Variants in RIMS2 observed in about 807,000 individuals in gnomAD.
RIMS2 encodes the protein regulating synaptic membrane exocytosis 2.
A neutral mutation model predicts 174.4 loss-of-function variants in RIMS2; 59 were observed. The observed-to-expected ratio is 0.34, with a 90% confidence interval of 0.27 to 0.42. The LOEUF is 0.42. RIMS2 is among the 10% of genes least tolerant of loss of function. RIMS2 has a pLI of 1.00. For synonymous variants in RIMS2, 606 were observed against 572.5 expected (o/e 1.06, Z -0.84); for missense variants, 1,620 against 1,666.3 (o/e 0.97, Z 0.48).
intron 4 of RIMS2, among the ~76,000 whole-genome samples, chr8:103,908,941 G>T (rs964248635): frequency 6.6e-6 from 1 of 152,116 alleles, no homozygotes; most frequent in Admixed American, 6.6e-5. Flanking sequence ...TGCCTTACCA[G>T]TTTCATTTAA....
intron 19 of RIMS2, among the ~76,000 whole-genome samples, chr8:104,020,380 A>G (rs2096057555): frequency 6.6e-6 from 1 of 151,982 alleles, no homozygotes; most frequent in Non-Finnish European, 1.5e-5. Context: ...GATATTAGAC[A>G]CTCCATACTG....
At chr8:103,587,452 GAAAGAAAGAAAGA>G (rs2094005246) in intron 1 of RIMS2, among the ~76,000 whole-genome samples, 1 of 122,288 alleles carries the variant, frequency 8.2e-6, no homozygotes, top group Non-Finnish European at 1.8e-5. Context: ...AAGAAAGAAA[GAAAGAAAGAAAGA>G]AAGAAACTAT....
At chr8:104,148,819 G>T in intron 19 of RIMS2, 2 of 1,598,414 alleles carry the variant, frequency 1.3e-6, no homozygotes, top group Non-Finnish European at 1.7e-6. Context: ...TCACGGAAAA[G>T]TCGCAGTGCT....
intron 19 of RIMS2, among the ~76,000 whole-genome samples, chr8:104,057,842 G>A (rs959141591): frequency 1.3e-5 from 2 of 150,882 alleles, no homozygotes; most frequent in Non-Finnish European, 2.9e-5. Flanking sequence ...CCTTGCGATA[G>A]TTTACTGAGA....
intron 1 of RIMS2, among the ~76,000 whole-genome samples, chr8:103,598,522 G>C (rs529727847): frequency 6.6e-6 from 1 of 152,252 alleles, no homozygotes; most frequent in South Asian, 2.1e-4. Flanking sequence ...ATTTTATACT[G>C]TGGCAGGATT....
intron 14 of RIMS2, among the ~76,000 whole-genome samples, chr8:103,957,072 A>C (rs1460656472): frequency 6.6e-6 from 1 of 152,252 alleles, no homozygotes; most frequent in African/African-American, 2.4e-5. Context: ...GCCAGTTAGA[A>C]TGGCGATCAT....
intron 1 of RIMS2, 53 bp downstream of exon 1, chr8:103,501,115 C>G (rs35745796): frequency 0.37 from 523,291 of 1,409,048 alleles, 99,498 homozygotes; most frequent in African/African-American, 0.4. Context: ...CGCCCCCTCG[C>G]CCACTGCCCT....
chr8:103,831,382 C>T (rs886331631), intron 3 of RIMS2, among the ~76,000 whole-genome samples: 3 of 152,126 alleles, frequency 2.0e-5, no homozygotes, highest in Non-Finnish European at 4.4e-5. Context: ...TGGCTAATAA[C>T]ACACAGTGTC....
intron 15 of RIMS2, among the ~76,000 whole-genome samples, chr8:103,969,414 T>A (rs2092587335): frequency 6.6e-6 from 1 of 152,196 alleles, no homozygotes; most frequent in African/African-American, 2.4e-5. Context: ...GCTTTTCAGT[T>A]TTTGAAGTTT....
intron 3 of RIMS2, among the ~76,000 whole-genome samples, chr8:103,798,041 A>C (rs1269581563): frequency 6.6e-6 from 1 of 152,152 alleles, no homozygotes; most frequent in Non-Finnish European, 1.5e-5. Context: ...GAAAATTCCC[A>C]ATGGAATCAT....
intron 19 of RIMS2, among the ~76,000 whole-genome samples, chr8:104,223,018 T>C (rs1234178830): frequency 6.6e-6 from 1 of 152,160 alleles, no homozygotes. Flanking sequence ...TTCAATATTT[T>C]TTGCCTGTGT....
At chr8:103,829,502 CACAT>C (rs1230424634) in intron 3 of RIMS2, among the ~76,000 whole-genome samples, 9 of 152,148 alleles carry the variant, frequency 5.9e-5, no homozygotes, top group Non-Finnish European at 8.8e-5. Flanking sequence ...AGAAAATATA[CACAT>C]ACATCATGAA....
intron 3 of RIMS2, among the ~76,000 whole-genome samples, chr8:103,850,597 G>A (rs2098992463): frequency 6.6e-6 from 1 of 152,010 alleles, no homozygotes; most frequent in Non-Finnish European, 1.5e-5. Flanking sequence ...TGAAGAGACT[G>A]GAGCCATCCT....
chr8:104,204,027 A>G (rs75412662), intron 19 of RIMS2, among the ~76,000 whole-genome samples: 14 of 152,318 alleles, frequency 9.2e-5, no homozygotes, highest in Non-Finnish European at 1.9e-4. Flanking sequence ...GCTATAGCAG[A>G]AATAGTTGAT....
intron 19 of RIMS2, among the ~76,000 whole-genome samples, chr8:104,153,209 T>C (rs537100045): frequency 6.6e-6 from 1 of 152,278 alleles, no homozygotes; most frequent in South Asian, 2.1e-4. Flanking sequence ...AAATCACTGT[T>C]TCTAAAGAAT....
chr8:104,160,616 T>C (rs1476020462), intron 19 of RIMS2, among the ~76,000 whole-genome samples: 1 of 152,222 alleles, frequency 6.6e-6, no homozygotes, highest in Non-Finnish European at 1.5e-5. Flanking sequence ...AAGGTTGCAG[T>C]CATAATCAAA....
At chr8:104,090,166 G>T (rs771810963) in intron 19 of RIMS2, among the ~76,000 whole-genome samples, 6 of 151,474 alleles carry the variant, frequency 4.0e-5, no homozygotes, top group South Asian at 2.1e-4. Flanking sequence ...TGAATAAAAG[G>T]CATAAAACCT....
chr8:103,641,584 T>TTCA (rs2096231340), intron 1 of RIMS2, among the ~76,000 whole-genome samples: 2 of 152,062 alleles, frequency 1.3e-5, no homozygotes, highest in Admixed American at 1.3e-4. Context: ...ATGTGAAAAC[T>TTCA]TGGTCCCTAG....
chr8:103,792,696 A>C (rs1021162547), intron 3 of RIMS2, among the ~76,000 whole-genome samples: 7 of 151,784 alleles, frequency 4.6e-5, no homozygotes, highest in Admixed American at 1.3e-4. Context: ...AAGACTAATA[A>C]AGAAGAAAAG....
Sources: gnomAD v4.1 joint callset for allele counts (sites outside exome capture counted in the v4.1 genomes callset) on GRCh38, gnomAD v4.1.1 for gene constraint, MANE v1.5 for transcripts, NCBI Gene and HGNC (gene_info 2026-07-23, HGNC 2026-07-21) for gene names.